The following CES5A variants were observed in gnomAD, a reference collection of about 807,000 sequenced individuals.
The protein encoded by CES5A is carboxylesterase 5.
In CES5A, 67 loss-of-function variants were observed where a neutral mutation model predicts 62.9. That is an observed-to-expected ratio of 1.07 (90% CI 0.88 to 1.31). The LOEUF (loss-of-function observed/expected upper bound fraction) is 1.31, where lower values mean the gene tolerates loss of function less well. Among genes scored for constraint, CES5A ranks in the 50% most tolerant of loss-of-function variants. The pLI is 0.00. For synonymous variants in CES5A, 296 were observed against 280.8 expected (o/e 1.05, Z -0.54); for missense variants, 748 against 708.5 (o/e 1.06, Z -0.63).
chr16:55,895,386 C>T (rs538942633), intron 1 of CES5A, among the ~76,000 whole-genome samples: 2 of 152,362 alleles, frequency 1.3e-5, no homozygotes, highest in Non-Finnish European at 2.9e-5. Context: ...GGCAGTACTG[C>T]CCAAAGCGTG....
intron 11 of CES5A, among the ~76,000 whole-genome samples, chr16:55,848,270 A>G (rs1433949227): frequency 3.3e-5 from 5 of 151,140 alleles, no homozygotes; most frequent in Non-Finnish European, 5.9e-5. Flanking sequence ...ATGCTTGGCT[A>G]ATTTTGTTTG....
intron 9 of CES5A, among the ~76,000 whole-genome samples, chr16:55,855,080 A>G (rs1358866486): frequency 2.6e-5 from 4 of 152,126 alleles, no homozygotes; most frequent in Admixed American, 2.0e-4. Flanking sequence ...CTTCTCCCCA[A>G]GAGAGCTGCC....
At chr16:55,846,928 C>A in intron 11 of CES5A, 88 bp from the exon 12 acceptor site, 1 of 1,033,404 alleles carries the variant, frequency 9.7e-7, no homozygotes, top group Non-Finnish European at 1.5e-6. Context: ...CTTTTCACAC[C>A]CCTCCTCCCA....
In CES5A at chr16:55,873,806, C is replaced by T. The variant is rs746673975; in HGVS notation, c.278+27G>A. On this transcript the variant is annotated intron_variant, in intron 2 of 12. Coordinates refer to ENST00000290567, the MANE Select transcript of CES5A (RefSeq NM_001143685.2). ...TCCTGCCACTCCCAGAGTCACAAAC[C>T]ACCCGTGGGCCCGAACCTGGTCTTA... The T allele has an allele frequency of 4.3e-5, 68 of 1,593,442 alleles. 1 individual carries two copies. The Middle Eastern group carries it at 3.0e-3, about 70-fold the overall frequency.
At chr16:55,872,613 T>C (rs1257061087) in intron 2 of CES5A, among the ~76,000 whole-genome samples, 3 of 152,220 alleles carry the variant, frequency 2.0e-5, no homozygotes, top group African/African-American at 7.2e-5. Context: ...GTGTACGCAA[T>C]CAATTCTTAA....
At chr16:55,893,524 G>A (rs2033901852) in intron 1 of CES5A, among the ~76,000 whole-genome samples, 1 of 152,030 alleles carries the variant, frequency 6.6e-6, no homozygotes, top group African/African-American at 2.4e-5. Context: ...GTAGAGAAAT[G>A]AAAACTCTAC....
chr16:55,944,179 T>C, intron 2 of CES5A: 1 of 697,158 alleles, frequency 1.4e-6, no homozygotes, highest in Non-Finnish European at 2.6e-6. Context: ...AAGACTTGGG[T>C]CCCAGTCCTG....
At chr16:55,853,538 G>C (rs6499791) in intron 9 of CES5A, among the ~76,000 whole-genome samples, 86,428 of 152,072 alleles carry the variant, frequency 0.57, 26,977 homozygotes, top group Non-Finnish European at 0.7. Flanking sequence ...GCTGCCTCCA[G>C]CCCTTAGCTA....
intron 1 of CES5A, among the ~76,000 whole-genome samples, chr16:55,900,052 G>A (rs1165271724): frequency 2.6e-5 from 4 of 151,964 alleles, no homozygotes; most frequent in African/African-American, 9.7e-5. Context: ...ATTTCCCAAG[G>A]TCACAGGGCA....
chr16:55,941,908 T>C (rs528236648), intron 2 of CES5A, among the ~76,000 whole-genome samples: 5 of 152,282 alleles, frequency 3.3e-5, no homozygotes, highest in South Asian at 2.1e-4. Context: ...TACTATCTTA[T>C]ACTTTTAAAA....
At chr16:55,850,429 C>CAGAT (rs1201894955) in intron 10 of CES5A, among the ~76,000 whole-genome samples, 1 of 152,210 alleles carries the variant, frequency 6.6e-6, no homozygotes, top group Non-Finnish European at 1.5e-5. Context: ...CTTTCTGTGT[C>CAGAT]TATGGCTTTG....
chr16:55,877,681 C>T (rs2033713282), upstream of CES5A, among the ~76,000 whole-genome samples: 1 of 152,138 alleles, frequency 6.6e-6, no homozygotes, highest in African/African-American at 2.4e-5. Context: ...TGCCTCTAGA[C>T]TTCATTTATA....
chr16:55,935,002 G>A (rs1305646857), intron 2 of CES5A, among the ~76,000 whole-genome samples: 1 of 152,200 alleles, frequency 6.6e-6, no homozygotes, highest in Non-Finnish European at 1.5e-5. Context: ...GAGTACAGTG[G>A]TGTGATCTCA....
chr16:55,870,784 T>C (rs2142410406), intron 3 of CES5A, among the ~76,000 whole-genome samples: 1 of 152,296 alleles, frequency 6.6e-6, no homozygotes, highest in Middle Eastern at 3.4e-3. Flanking sequence ...TTATCTTTAT[T>C]TATATATTTA....
chr16:55,877,171 A>G (rs1208732779), upstream of CES5A, among the ~76,000 whole-genome samples: 1 of 152,164 alleles, frequency 6.6e-6, no homozygotes, highest in African/African-American at 2.4e-5. Flanking sequence ...TGGTCCTATT[A>G]GCATCCCATA....
intron 2 of CES5A, among the ~76,000 whole-genome samples, chr16:55,873,018 C>CT (rs2033623878): frequency 6.6e-6 from 1 of 152,152 alleles, no homozygotes; most frequent in East Asian, 1.9e-4. Context: ...TGTCCTCAGT[C>CT]CTTGGACCAC....
chr16:55,911,327 C>G (rs1260782968), intron 1 of CES5A, among the ~76,000 whole-genome samples: 1 of 152,150 alleles, frequency 6.6e-6, no homozygotes, highest in Non-Finnish European at 1.5e-5. Context: ...TTTCATATGC[C>G]TTTGGTGAGA....
intron 1 of CES5A, among the ~76,000 whole-genome samples, chr16:55,890,762 C>G (rs2033868237): frequency 6.6e-6 from 1 of 152,020 alleles, no homozygotes; most frequent in Non-Finnish European, 1.5e-5. Context: ...GGGAGTCATG[C>G]TCTTGTGAAC....
intron 1 of CES5A, among the ~76,000 whole-genome samples, chr16:55,910,021 A>G (rs2142449359): frequency 6.6e-6 from 1 of 152,210 alleles, no homozygotes; most frequent in South Asian, 2.1e-4. Context: ...CTGCTCCCTG[A>G]GTGCTGGGCA....
Sources: gnomAD v4.1 joint callset for allele counts (sites outside exome capture counted in the v4.1 genomes callset) on GRCh38, gnomAD v4.1.1 for gene constraint, MANE v1.5 for transcripts, NCBI Gene and HGNC (gene_info 2026-07-23, HGNC 2026-07-21) for gene names.